Variants in ZFP62 observed in about 807,000 individuals in gnomAD.
ZFP62 encodes ZFP62 zinc finger protein.
ZFP62 carries 44 observed loss-of-function variants against 56.4 expected under a neutral mutation model. That is an observed-to-expected ratio of 0.78 (90% confidence interval 0.61 to 1.00). The LOEUF (loss-of-function observed/expected upper bound fraction) is 1.00. Ranked by LOEUF, ZFP62 falls within the 50% of genes least tolerant of loss-of-function variation. ZFP62 has a pLI of 0.00. For missense variants in ZFP62, 1,030 were observed against 1,085.7 expected, an observed-to-expected ratio of 0.95 and a Z score of 0.72; for synonymous variants, 421 against 388.9, an observed-to-expected ratio of 1.08 and a Z score of -0.97.
intron 1 of ZFP62, among the ~76,000 whole-genome samples, chr5:180,857,995 A>G (rs570411730): frequency 6.6e-6 from 1 of 151,716 alleles, no homozygotes; most frequent in Non-Finnish European, 1.5e-5. Flanking sequence ...GCTCACGCCT[A>G]TAAGCCCAGC....
downstream of ZFP62, among the ~76,000 whole-genome samples, chr5:180,842,850 T>C (rs554239517): frequency 6.2e-4 from 94 of 152,134 alleles, no homozygotes; most frequent in African/African-American, 2.1e-3. Flanking sequence ...AAGACCAGCC[T>C]GGCCAACACA....
At position 180,849,291 on chromosome 5, in the gene ZFP62, CCA is replaced by C; in HGVS notation, c.2202_2203del (p.Cys734TrpfsTer26). On this transcript the variant is annotated frameshift_variant, in exon 2 of 2. Coordinates refer to ENST00000502412, the MANE Select transcript of ZFP62 (RefSeq NM_001172638.2). LOFTEE classifies it high-confidence loss of function. The stretch of plus-strand genomic sequence containing the variant: ...GAGAGAGCTGTAACTGAAAGATTTC[CCA>C]CACTCAACACACTTGAAGGGTTTCT... 5 of 1,552,542 alleles carry C rather than the reference CCA, an allele frequency of 3.2e-6. No homozygotes were observed. The highest frequency in any genetic ancestry group is 4.4e-6 in the Non-Finnish European group (5 of 1,147,400).
At chr5:180,856,516 G>A (rs951514334) in intron 1 of ZFP62, among the ~76,000 whole-genome samples, 2 of 152,134 alleles carry the variant, frequency 1.3e-5, no homozygotes, top group African/African-American at 2.4e-5. Context: ...TGTTGCCCAA[G>A]GAACTTAAGA....
rs1228083393 is a variant in ZFP62, at chr5:180,849,103, A to T, written c.2392T>A (p.Ser798Thr). ...ACACTTTTATGATTGATAAGACTTG[A>T]GTGTGAGATGTATGCCTTCCCACAC... ...DECGKAYISH[S>T]SLINHKSVHQ... Residue 798 changes from serine (S) to threonine (T), a missense_variant, in exon 2 of 2, where the codon TCA (serine) becomes ACA (threonine). Physicochemically the swap from Ser to Thr is moderately conservative, Grantham distance 58. Coordinates refer to ENST00000502412, the MANE Select transcript of ZFP62 (RefSeq NM_001172638.2). 1.3e-6 allele frequency: 2 copies of T among 1,554,908 alleles called. No individual in the cohort carries two copies. The highest frequency in any genetic ancestry group is 1.4e-5 in the African/African-American group (1 of 73,048).
intron 1 of ZFP62, among the ~76,000 whole-genome samples, chr5:180,852,578 C>G (rs1255571373): frequency 7.0e-6 from 1 of 142,460 alleles, no homozygotes; most frequent in African/African-American, 2.6e-5. Flanking sequence ...AAAAAAGATA[C>G]AATTAGATCC....
the ZFP62 span, among the ~76,000 whole-genome samples, chr5:180,833,898 T>G: frequency 6.6e-6 from 1 of 152,148 alleles, no homozygotes; most frequent in Non-Finnish European, 1.5e-5. Context: ...CTCGATCTCC[T>G]GACCTCATGA....
rs1280805658 is a variant in ZFP62, at chr5:180,850,878, T to C, written c.617A>G (p.Tyr206Cys). 2 of 1,565,470 alleles carry C rather than the reference T, an allele frequency of 1.3e-6. No individual in the cohort carries two copies. Among genetic ancestry groups the C allele is most frequent in the Non-Finnish European group, 1.7e-6 (2 of 1,155,384 alleles). ...PYKCEECGKA[Y>C]MSYSSLINHK... ...GTTTATAAGGCTGGAGTAGGACATG[T>C]AGGCTTTCCCACATTCCTCACACTT... Residue 206 changes from tyrosine (Y) to cysteine (C), a missense_variant, in exon 2 of 2, where the codon TAC becomes TGC. Coordinates refer to ENST00000502412, the MANE Select transcript of ZFP62 (RefSeq NM_001172638.2).
downstream of ZFP62, chr5:180,847,517 C>T (rs1773446577): frequency 3.4e-6 from 3 of 893,660 alleles, no homozygotes; most frequent in Middle Eastern, 1.1e-3. Flanking sequence ...GATGAGTCTA[C>T]TACCCTCTCT....
At chr5:180,858,257 CAAA>C (rs1159409435) in intron 1 of ZFP62, among the ~76,000 whole-genome samples, 4 of 40,270 alleles carry the variant, frequency 9.9e-5, no homozygotes, top group East Asian at 1.1e-3. Flanking sequence ...AACTCTGTCT[CAAA>C]AAAAAAAAAA....
rs1027092904 is a variant in ZFP62, at chr5:180,849,900, G to C, written c.1595C>G (p.Pro532Arg). 1 of 1,551,506 alleles carries C rather than the reference G, an allele frequency of 6.4e-7. No individual in the cohort carries two copies. The highest frequency in any genetic ancestry group is 8.7e-7 in the Non-Finnish European group (1 of 1,146,994). The change falls in exon 2 of 2, where the codon CCC (proline) becomes CGC (arginine). Residue 532 changes from proline (P) to arginine (R), a missense_variant. Transcript: ENST00000502412. Reference sequence around the variant, plus strand: ...TTTACCACACTCATCACACCCAAAGGGTTTTTCCCTGGTATGAATCCTTTT... The same window carrying C: ...TTTACCACACTCATCACACCCAAAGCGTTTTTCCCTGGTATGAATCCTTTT... ...QHKRIHTREK[P>R]FGCDECGKAF...
chr5:180,828,790 C>T, the ZFP62 span, among the ~76,000 whole-genome samples: 1 of 152,138 alleles, frequency 6.6e-6, no homozygotes, highest in South Asian at 2.1e-4. Context: ...GCAAAAAGAG[C>T]CATATTTTTC....
chr5:180,856,790 T>C (rs1337867082), intron 1 of ZFP62, among the ~76,000 whole-genome samples: 2 of 148,988 alleles, frequency 1.3e-5, no homozygotes, highest in African/African-American at 5.0e-5. Flanking sequence ...CCATCTCTAC[T>C]AAAAATACAA....
chr5:180,829,651 G>A, the ZFP62 span, among the ~76,000 whole-genome samples: 2 of 152,188 alleles, frequency 1.3e-5, no homozygotes, highest in African/African-American at 4.8e-5. Flanking sequence ...TGAAAAATAA[G>A]TTTCTCTGCT....
intron 1 of ZFP62, among the ~76,000 whole-genome samples, chr5:180,857,099 C>T (rs943204006): frequency 2.0e-5 from 3 of 151,932 alleles, no homozygotes; most frequent in African/African-American, 7.3e-5. Flanking sequence ...CCGAAGACAT[C>T]TGGGGCAGGC....
At chr5:180,840,134 C>T in the ZFP62 span, among the ~76,000 whole-genome samples, 2 of 152,174 alleles carry the variant, frequency 1.3e-5, no homozygotes, top group African/African-American at 4.8e-5. Context: ...ATCATGAGGG[C>T]GTGTTCCATG....
the ZFP62 span, among the ~76,000 whole-genome samples, chr5:180,836,693 C>T: frequency 3.9e-5 from 6 of 152,128 alleles, no homozygotes; most frequent in Non-Finnish European, 8.8e-5. Context: ...CCAGTCTTGT[C>T]GTGAAAATGT....
Position 180,848,172 on chromosome 5 carries a change from T to C in ZFP62, c.*620A>G. ...TTATGAGTGACTCTCTCCTATCTCCTGTTAGACTTGTAAGTCTATGCTTTC... is the reference window on the plus strand; with the variant it reads ...TTATGAGTGACTCTCTCCTATCTCCCGTTAGACTTGTAAGTCTATGCTTTC... On this transcript the variant is annotated 3_prime_UTR_variant, in exon 2 of 2. Transcript: ENST00000502412. 1.0e-6 allele frequency: 1 copy of C among 985,430 alleles called. No homozygotes were observed. The highest frequency in any genetic ancestry group is 1.2e-6 in the Non-Finnish European group (1 of 829,892). 61.0% of individuals were successfully genotyped at this position (985,430 alleles called of 1,614,324 possible).
the ZFP62 span, among the ~76,000 whole-genome samples, chr5:180,836,023 C>T: frequency 6.6e-6 from 1 of 152,180 alleles, no homozygotes; most frequent in African/African-American, 2.4e-5. Flanking sequence ...CAAATACTTA[C>T]CGTGTTACAG....
chr5:180,830,318 T>A, the ZFP62 span: 1 of 152,320 alleles, frequency 6.6e-6, no homozygotes, highest in Non-Finnish European at 1.5e-5. Context: ...GCCACTGGTA[T>A]GTGATGCGAG....
Sources: gnomAD v4.1 joint callset for allele counts (sites outside exome capture counted in the v4.1 genomes callset) on GRCh38, gnomAD v4.1.1 for gene constraint, MANE v1.5 for transcripts, NCBI Gene and HGNC (gene_info 2026-07-23, HGNC 2026-07-21) for gene names.